ATRIP: variants seen among roughly 807,000 people sequenced by gnomAD.
ATRIP encodes ATR interacting protein.
ATRIP carries 44 observed loss-of-function variants against 78.1 expected under a neutral mutation model. That is an observed-to-expected ratio of 0.56 (90% confidence interval 0.44 to 0.72). The LOEUF is 0.72. Among genes scored for constraint, ATRIP ranks in the 30% least tolerant of loss-of-function variants. The pLI, the probability that ATRIP is intolerant of heterozygous loss-of-function variation, is 0.00. For synonymous variants in ATRIP, 388 were observed against 408.9 expected, an observed-to-expected ratio of 0.95 and a Z score of 0.62; for missense variants, 927 against 980.2, an observed-to-expected ratio of 0.95 and a Z score of 0.72.
At chr3:48,452,251 G>A (rs995498726) in intron 3 of ATRIP, among the ~76,000 whole-genome samples, 8 of 152,302 alleles carry the variant, frequency 5.3e-5, no homozygotes, top group East Asian at 3.9e-4. Context: ...GGGAAGAACC[G>A]GGGTATGCTG....
Position 48,464,961 on chromosome 3 carries a change from G to A in ATRIP, c.2186G>A (p.Gly729Asp), listed in dbSNP as rs199841481. The change falls in exon 12 of 13, where the codon GGC becomes GAC. Residue 729 changes from glycine (G) to aspartate (D), a missense_variant. Transcript: ENST00000320211. ...CGGGACACGGTGCTGCTGCTGCACGGCCTATCGCAGAAGGACAAGCTCTTC... is the reference window on the plus strand; with the variant it reads ...CGGGACACGGTGCTGCTGCTGCACGACCTATCGCAGAAGGACAAGCTCTTC... ...CLRDTVLLLHGLSQKDKLFMM... is the reference protein window; with the variant it reads ...CLRDTVLLLHDLSQKDKLFMM... The A allele has an allele frequency of 1.9e-6, 3 of 1,614,066 alleles. No homozygotes were observed. Among genetic ancestry groups the A allele is most frequent in the Non-Finnish European group, 2.5e-6 (3 of 1,180,036 alleles).
At chr3:48,447,470 T>A in intron 1 of ATRIP, 9 of 998,936 alleles carry the variant, frequency 9.0e-6, no homozygotes, top group Non-Finnish European at 1.1e-5. Flanking sequence ...TTAGATCTTA[T>A]GAAGCCCACT....
chr3:48,446,871 G>T lies in ATRIP; in HGVS notation c.26G>T (p.Ser9Ile), dbSNP rs769758692. 7.8e-6 allele frequency: 11 copies of T among 1,402,162 alleles called. No individual in the cohort carries two copies. The Admixed American group carries it at 2.7e-4, about 35-fold the overall frequency. 86.9% of individuals were successfully genotyped at this position (1,402,162 alleles called of 1,614,324 possible). Reference protein sequence around the residue: MAGTSAPGSKRRSEPPAPR... With the variant: MAGTSAPGIKRRSEPPAPR... Reference sequence around the variant, plus strand: ...ATGGCGGGGACCTCCGCGCCAGGCAGCAAGAGGCGGAGCGAGCCCCCGGCG... The same window carrying T: ...ATGGCGGGGACCTCCGCGCCAGGCATCAAGAGGCGGAGCGAGCCCCCGGCG... Residue 9 changes from serine to isoleucine, a missense_variant, in exon 1 of 13, where the codon AGC (serine) becomes ATC (isoleucine). By Grantham distance (142) the Ser-to-Ile change is moderately radical (BLOSUM62 -2). Transcript: ENST00000320211.
At position 48,465,587 on chromosome 3, in the gene ATRIP, G is replaced by A. The variant is rs1321659545; in HGVS notation, c.*33G>A. 2 of 1,570,532 alleles carry A rather than the reference G, an allele frequency of 1.3e-6. No individual in the cohort carries two copies. Among genetic ancestry groups the A allele is most frequent in the Middle Eastern group, 1.7e-4 (1 of 5,982 alleles). On this transcript the variant is annotated 3_prime_UTR_variant, in exon 13 of 13. Coordinates refer to ENST00000320211, the MANE Select transcript of ATRIP (RefSeq NM_130384.3). ...AGTGTCCAGCCACATGGTGGCACCA[G>A]CACCACTCCTTTCCTTACCACATCA...
In ATRIP at chr3:48,467,049, C is replaced by G. The variant is rs200510205; in HGVS notation, c.*1495C>G. The G allele has an allele frequency of 6.2e-7, 1 of 1,613,992 alleles. No homozygotes were observed. The highest frequency in any genetic ancestry group is 2.2e-5 in the East Asian group (1 of 44,882). On this transcript the variant is annotated 3_prime_UTR_variant, in exon 13 of 13. Coordinates refer to ENST00000320211, the MANE Select transcript of ATRIP (RefSeq NM_130384.3). ...ACACAATGGTGACCGCTACGACTTC[C>G]CCCTGCTCCAAGCAGAGCTGGCTAT... is the stretch of plus-strand genomic sequence containing the variant.
rs1246635397 is a variant in ATRIP at position 48,450,195 on chromosome 3, TG to T, written c.381+26del. 3.1e-6 allele frequency: 5 copies of T among 1,597,312 alleles called. No individual in the cohort carries two copies. The Admixed American group carries it at 8.9e-5, about 29-fold the overall frequency. Reference sequence around the variant, plus strand: ...GGTAAGTGACTTAACTTGTGGTTTTTGTAGCTAATTCATTCACTTACGTGTT... The same window carrying T: ...GGTAAGTGACTTAACTTGTGGTTTTTTAGCTAATTCATTCACTTACGTGTT... On this transcript the variant is annotated intron_variant, in intron 2 of 12. Coordinates refer to ENST00000320211, the MANE Select transcript of ATRIP (RefSeq NM_130384.3).
Position 48,467,345 on chromosome 3 carries a change from G to GC in ATRIP, c.*1794dup. 6 of 1,614,144 alleles carry GC rather than the reference G, an allele frequency of 3.7e-6. No individual in the cohort carries two copies. The highest frequency in any genetic ancestry group is 5.1e-6 in the Non-Finnish European group (6 of 1,180,018). The stretch of plus-strand genomic sequence containing the variant: ...ACGCCAGGCCTTTCGGCACCATCAG[G>GC]CCCATGTATGGGGTCACAGCCTCTG... On this transcript the variant is annotated 3_prime_UTR_variant, in exon 13 of 13. Transcript: ENST00000320211.
chr3:48,449,506 C>A (rs1412768964), intron 1 of ATRIP, among the ~76,000 whole-genome samples: 2 of 151,370 alleles, frequency 1.3e-5, no homozygotes, highest in African/African-American at 4.9e-5. Flanking sequence ...AGATCTTTCC[C>A]TGCTTTGCTC....
At chr3:48,450,669 C>A in intron 2 of ATRIP, 1 of 623,328 alleles carries the variant, frequency 1.6e-6, no homozygotes, top group Non-Finnish European at 2.4e-6. Context: ...TCACTTCAAC[C>A]TCTGCCTCCT....
chr3:48,451,164 A>G (rs575474421), intron 2 of ATRIP, among the ~76,000 whole-genome samples: 6 of 151,306 alleles, frequency 4.0e-5, no homozygotes, highest in African/African-American at 1.2e-4. Flanking sequence ...ACTCCAGCCT[A>G]GGCGACAATA....
rs777034646 is a variant in ATRIP at position 48,466,837 on chromosome 3, C to T, written c.*1283C>T. ...CCACCTCCCACAGTTCCTCCACCAC[C>T]GCGTGTGGTAGACAAGCTCTCCCTG... On this transcript the variant is annotated 3_prime_UTR_variant, in exon 13 of 13. Transcript: ENST00000320211. The T allele has an allele frequency of 1.7e-5, 27 of 1,614,018 alleles. No homozygotes were observed. Among genetic ancestry groups the T allele is most frequent in the South Asian group, 6.6e-5 (6 of 91,088 alleles).
At chr3:48,458,230 A>T (rs147053015) in intron 5 of ATRIP, among the ~76,000 whole-genome samples, 243 of 151,958 alleles carry the variant, frequency 1.6e-3, no homozygotes, top group African/African-American at 5.5e-3. Context: ...GGCACCTGCC[A>T]TCATGCTTGT....
chr3:48,456,318 C>T (rs1367086690), intron 4 of ATRIP, among the ~76,000 whole-genome samples: 2 of 152,020 alleles, frequency 1.3e-5, no homozygotes, highest in African/African-American at 4.8e-5. Flanking sequence ...GTGGCTCACG[C>T]CTGTAATCCC....
At position 48,466,743 on chromosome 3, in the gene ATRIP, A is replaced by T; in HGVS notation, c.*1189A>T. 6.2e-7 allele frequency: 1 copy of T among 1,613,816 alleles called. No homozygotes were observed. Among genetic ancestry groups the T allele is most frequent in the East Asian group, 2.2e-5 (1 of 44,856 alleles). On this transcript the variant is annotated 3_prime_UTR_variant, in exon 13 of 13. Transcript: ENST00000320211. ...CACTGGCTTGCCCTTCTCCCAGCCC[A>T]AGGTCACGGAGCTGTGCCTGCTGGC...
chr3:48,449,884 G>A (rs573976533), intron 1 of ATRIP, among the ~76,000 whole-genome samples, 153 bp from the exon 2 acceptor site: 1 of 149,560 alleles, frequency 6.7e-6, no homozygotes, highest in Admixed American at 6.7e-5. Flanking sequence ...GTGGCAGTAA[G>A]CAGTGATCAC....
intron 4 of ATRIP, 117 bp from the exon 5 acceptor site, chr3:48,457,142 C>A: frequency 1.1e-6 from 1 of 926,434 alleles, no homozygotes; most frequent in Non-Finnish European, 1.5e-6. Context: ...TAGATAAAAC[C>A]TTTGGTTAAA....
At chr3:48,447,177 G>A in intron 1 of ATRIP, 85 bp downstream of exon 1, 1 of 1,343,218 alleles carries the variant, frequency 7.4e-7, no homozygotes. Context: ...GGAACCTCGC[G>A]GCCAGCACTG....
intron 2 of ATRIP, 187 bp downstream of exon 2, chr3:48,450,357 G>A (rs1416825095): frequency 9.8e-7 from 1 of 1,019,216 alleles, no homozygotes; most frequent in Non-Finnish European, 1.4e-6. Flanking sequence ...GATTCCTAAT[G>A]CCAAAGGCAA....
At chr3:48,462,159 G>T (rs59631521) in intron 8 of ATRIP, among the ~76,000 whole-genome samples, 2,087 of 152,050 alleles carry the variant, frequency 0.014, 39 homozygotes, top group African/African-American at 0.047. Context: ...AAGACTCCCA[G>T]CTCTACAATT....
Sources: gnomAD v4.1 joint callset for allele counts (sites outside exome capture counted in the v4.1 genomes callset) on GRCh38, gnomAD v4.1.1 for gene constraint, MANE v1.5 for transcripts, NCBI Gene and HGNC (gene_info 2026-07-23, HGNC 2026-07-21) for gene names.